Variants in RORA observed in about 807,000 individuals in gnomAD.
RORA encodes RAR related orphan receptor A, also known as nuclear receptor ROR-alpha.
In RORA, 7 loss-of-function variants were observed where a neutral mutation model predicts 69.5. The ratio of observed to expected loss-of-function variants is 0.10; its 90% CI spans 0.06 to 0.19. The LOEUF (loss-of-function observed/expected upper bound fraction) is 0.19, where lower values mean the gene tolerates loss of function less well. Ranked by LOEUF, RORA falls within the 10% of genes least tolerant of loss-of-function variation. The pLI is 1.00. For missense variants in RORA, 457 were observed against 663.0 expected (o/e 0.69, Z 3.41); for synonymous variants, 261 against 240.8 (o/e 1.08, Z -0.78).
At chr15:61,120,090 G>A (rs1049872197) in intron 1 of RORA, among the ~76,000 whole-genome samples, 1 of 152,152 alleles carries the variant, frequency 6.6e-6, no homozygotes, top group South Asian at 2.1e-4. Context: ...GTCTGCTTGG[G>A]CTGTGGTTCT....
intron 1 of RORA, among the ~76,000 whole-genome samples, chr15:61,185,751 C>T (rs937641902): frequency 1.3e-5 from 2 of 152,214 alleles, no homozygotes; most frequent in East Asian, 1.9e-4. Context: ...TCCCTATCTG[C>T]ACCTCAGGCC....
chr15:60,712,122 A>G (rs2071152208), intron 1 of RORA, among the ~76,000 whole-genome samples: 1 of 152,204 alleles, frequency 6.6e-6, no homozygotes, highest in Non-Finnish European at 1.5e-5. Context: ...TGGGACTCAT[A>G]TCCTACATAG....
intron 1 of RORA, among the ~76,000 whole-genome samples, chr15:60,828,820 C>T (rs2073000396): frequency 6.6e-6 from 1 of 152,174 alleles, no homozygotes; most frequent in Non-Finnish European, 1.5e-5. Flanking sequence ...GGCTCTCCAC[C>T]AGTAGTTCTC....
intron 1 of RORA, among the ~76,000 whole-genome samples, chr15:60,792,378 G>T (rs980129327): frequency 6.6e-6 from 1 of 152,030 alleles, no homozygotes. Context: ...AGAGAATGAA[G>T]CAGAAAAAGT....
At chr15:61,198,758 A>G (rs1485521841) in intron 1 of RORA, among the ~76,000 whole-genome samples, 4 of 151,908 alleles carry the variant, frequency 2.6e-5, no homozygotes, top group African/African-American at 7.3e-5. Context: ...GCCACCCCCA[A>G]CTCAAAAACC....
intron 3 of RORA, among the ~76,000 whole-genome samples, chr15:60,521,107 T>A (rs1290979830): frequency 6.6e-6 from 1 of 152,150 alleles, no homozygotes; most frequent in African/African-American, 2.4e-5. Context: ...CCACAGAGCT[T>A]TTAAAAGATA....
chr15:60,497,790 G>A (rs1354787224), intron 10 of RORA, among the ~76,000 whole-genome samples, 171 bp from the exon 11 acceptor site: 1 of 152,100 alleles, frequency 6.6e-6, no homozygotes, highest in Non-Finnish European at 1.5e-5. Context: ...TGGGCGCGGT[G>A]GCTCATGCCT....
chr15:61,224,120 C>G (rs1414690534), intron 1 of RORA, among the ~76,000 whole-genome samples: 1 of 152,024 alleles, frequency 6.6e-6, no homozygotes, highest in African/African-American at 2.4e-5. Flanking sequence ...ATTCCAAATT[C>G]TGGATGAGTA....
chr15:60,656,563 G>C (rs1222826265), intron 2 of RORA, among the ~76,000 whole-genome samples: 1 of 151,978 alleles, frequency 6.6e-6, no homozygotes, highest in African/African-American at 2.4e-5. Flanking sequence ...TTGTGAAATA[G>C]TGAACTTCCT....
chr15:61,021,849 C>A (rs1045653311), intron 1 of RORA, among the ~76,000 whole-genome samples: 1 of 152,184 alleles, frequency 6.6e-6, no homozygotes, highest in African/African-American at 2.4e-5. Context: ...GCGGTTCTAG[C>A]CTCCAGGAGA....
intron 1 of RORA, among the ~76,000 whole-genome samples, chr15:61,160,908 G>A (rs1223927532): frequency 6.6e-6 from 1 of 152,132 alleles, no homozygotes; most frequent in Non-Finnish European, 1.5e-5. Flanking sequence ...GGAAATCTGG[G>A]AAGAATGTTT....
At chr15:60,950,277 T>A in intron 1 of RORA, among the ~76,000 whole-genome samples, 2 of 143,320 alleles carry the variant, frequency 1.4e-5, no homozygotes, top group East Asian at 2.1e-4. Flanking sequence ...CTAAAAGAGC[T>A]CCTGAAGGAA....
At chr15:60,677,644 C>T (rs1384712295) in intron 2 of RORA, among the ~76,000 whole-genome samples, 3 of 150,364 alleles carry the variant, frequency 2.0e-5, no homozygotes, top group Non-Finnish European at 4.4e-5. Context: ...AACCCAAGAG[C>T]AGATTTCAAG....
At chr15:61,084,435 A>C (rs754365049) in intron 1 of RORA, among the ~76,000 whole-genome samples, 5 of 152,218 alleles carry the variant, frequency 3.3e-5, no homozygotes, top group Non-Finnish European at 7.3e-5. Flanking sequence ...GTTTAAGCCC[A>C]AAGATAATTA....
rs563755965 is a variant in RORA at position 61,007,634 on chromosome 15, T to G, written c.166+221419A>C. Reference sequence around the variant, plus strand: ...TTAAAAAATTTATTTACACATATTTTTATTACAAAGGATTATGACAGCATG... The same window carrying G: ...TTAAAAAATTTATTTACACATATTTGTATTACAAAGGATTATGACAGCATG... On this transcript the variant is annotated intron_variant, in intron 1 of 10. Transcript: ENST00000335670. Among the ~76,000 whole-genome samples the G allele has an allele frequency of 2.5e-3, 382 of 151,292 alleles. 5 individuals carry two copies. The highest frequency in any genetic ancestry group is 8.9e-3 in the African/African-American group (367 of 41,426).
rs185064708 is a variant in RORA at position 60,509,854 on chromosome 15, C to T, written c.820+1372G>A. ...CTTGGCTTCTAGTTCAGAGGTTTCT[C>T]TGTTAATCAAAAGAGCTGCAATACA... On this transcript the variant is annotated intron_variant, in intron 5 of 10. Coordinates refer to ENST00000335670, the MANE Select transcript of RORA (RefSeq NM_134261.3). Among the ~76,000 whole-genome samples, 504 of 151,416 alleles carry T rather than the reference C, an allele frequency of 3.3e-3. 2 individuals carry two copies. The highest frequency in any genetic ancestry group is 5.2e-3 in the Non-Finnish European group (356 of 67,956).
chr15:60,717,480 C>T (rs749101034), intron 1 of RORA, among the ~76,000 whole-genome samples: 3 of 152,192 alleles, frequency 2.0e-5, no homozygotes, highest in African/African-American at 7.2e-5. Context: ...CTTGTAATAC[C>T]TATAGCATGT....
At chr15:60,990,185 C>A (rs950175028) in intron 1 of RORA, among the ~76,000 whole-genome samples, 14 of 152,094 alleles carry the variant, frequency 9.2e-5, no homozygotes, top group African/African-American at 3.1e-4. Flanking sequence ...CAATTATGCC[C>A]TAATGCACTG....
intron 5 of RORA, among the ~76,000 whole-genome samples, chr15:60,508,431 T>C (rs939947694): frequency 3.9e-5 from 6 of 152,226 alleles, no homozygotes; most frequent in African/African-American, 1.4e-4. Context: ...ATAATGACAT[T>C]AATAATTATG....
Sources: gnomAD v4.1 joint callset for allele counts (sites outside exome capture counted in the v4.1 genomes callset) on GRCh38, gnomAD v4.1.1 for gene constraint, MANE v1.5 for transcripts, NCBI Gene and HGNC (gene_info 2026-07-23, HGNC 2026-07-21) for gene names.